Variants in SEPTIN3 observed in about 807,000 individuals in gnomAD.
SEPTIN3 encodes the protein septin 3.
In SEPTIN3, 15 loss-of-function variants were observed where a neutral mutation model predicts 45.1. That is an observed-to-expected ratio of 0.33 (90% CI 0.22 to 0.51). The LOEUF (loss-of-function observed/expected upper bound fraction) is 0.51, where lower values mean the gene tolerates loss of function less well. Among genes scored for constraint, SEPTIN3 ranks in the 20% least tolerant of loss-of-function variants. SEPTIN3 has a pLI of 0.97. For missense variants in SEPTIN3, 289 were observed against 457.2 expected, an observed-to-expected ratio of 0.63 and a Z score of 3.35; for synonymous variants, 148 against 164.8, an observed-to-expected ratio of 0.90 and a Z score of 0.78.
intron 2 of SEPTIN3, 95 bp downstream of exon 2, chr22:41,973,091 C>A (rs5758525): frequency 2.5e-6 from 1 of 397,546 alleles, no homozygotes; most frequent in Non-Finnish European, 4.4e-6. Context: ...GGTTGAGAAA[C>A]GGAGGAAGGA....
chr22:41,979,566 G>T (rs1443238067), intron 2 of SEPTIN3, among the ~76,000 whole-genome samples: 1 of 152,222 alleles, frequency 6.6e-6, no homozygotes, highest in Non-Finnish European at 1.5e-5. Context: ...TGCAAGAGTG[G>T]AGGAGCAGGG....
chr22:41,969,908 G>A (rs2077941322), intron 1 of SEPTIN3, among the ~76,000 whole-genome samples: 1 of 152,146 alleles, frequency 6.6e-6, no homozygotes, highest in Admixed American at 6.5e-5. Context: ...TGCCCAAGTG[G>A]ATGTGGCTGT....
At position 41,997,283 on chromosome 22, in the gene SEPTIN3, T is replaced by C; in HGVS notation, c.*316T>C. On this transcript the variant is annotated 3_prime_UTR_variant, in exon 12 of 12. Transcript: ENST00000644076. Reference sequence around the variant, plus strand: ...CCCTTGTAAGCCCATCCCAGCTACTTGTAACCATCTCTAAGGGCAATGGCA... The same window carrying C: ...CCCTTGTAAGCCCATCCCAGCTACTCGTAACCATCTCTAAGGGCAATGGCA... 1 of 363,454 alleles carries C rather than the reference T, an allele frequency of 2.8e-6. No homozygotes were observed. Among genetic ancestry groups the C allele is most frequent in the Non-Finnish European group, 5.0e-6 (1 of 198,588 alleles). The allele number at this position is 363,454 out of a possible 1,614,324, so 22.5% of individuals were successfully genotyped here. A position where few individuals can be genotyped will look rare whatever the true frequency, so the allele number is the denominator to read the frequency against.
Position 41,991,588 on chromosome 22 carries a change from G to A in SEPTIN3, c.2179G>A (p.Glu727Lys). The A allele has an allele frequency of 1.2e-6, 2 of 1,613,636 alleles. No homozygotes were observed. ...EFKQRVRKEL[E>K]VNGIEFYPQK... ...TCGCCTCTAGGTTCGCAAGGAGCTTGAAGTAAATGGCATTGAATTCTACCC... is the reference window on the plus strand; with the variant it reads ...TCGCCTCTAGGTTCGCAAGGAGCTTAAAGTAAATGGCATTGAATTCTACCC... The change falls in exon 8 of 12, where the codon GAA becomes AAA. Residue 727 changes from glutamate (E) to lysine (K), a missense_variant. Transcript: ENST00000644076.
intron 9 of SEPTIN3, among the ~76,000 whole-genome samples, chr22:41,993,015 G>A (rs2078344514): frequency 1.3e-5 from 2 of 152,192 alleles, no homozygotes; most frequent in South Asian, 4.1e-4. Context: ...GGAGAGATTA[G>A]TAAGGCCTGG....
chr22:41,989,126 CAAAAAA>C (rs71184854), intron 6 of SEPTIN3, among the ~76,000 whole-genome samples: 1 of 88,594 alleles, frequency 1.1e-5, no homozygotes, highest in East Asian at 3.7e-4. Flanking sequence ...GACCCTGTCT[CAAAAAA>C]AAAAAAAAAA....
At chr22:41,993,479 G>A (rs538456355) in intron 9 of SEPTIN3, among the ~76,000 whole-genome samples, 1 of 151,964 alleles carries the variant, frequency 6.6e-6, no homozygotes, top group African/African-American at 2.4e-5. Context: ...TGCGGACCCC[G>A]ATTTTTGTAT....
At chr22:41,993,352 T>G in intron 9 of SEPTIN3, among the ~76,000 whole-genome samples, 1 of 148,576 alleles carries the variant, frequency 6.7e-6, no homozygotes, top group African/African-American at 2.5e-5. Flanking sequence ...TGAGACGGAG[T>G]CTCACTCTGT....
chr22:41,991,459 A>G (rs528696215), intron 7 of SEPTIN3, 114 bp from the exon 8 acceptor site: 1 of 756,464 alleles, frequency 1.3e-6, no homozygotes, highest in African/African-American at 1.7e-5. Context: ...ATGACTGTGG[A>G]TTATCCAAGG....
chr22:41,978,993 C>G (rs2078078209), intron 2 of SEPTIN3, among the ~76,000 whole-genome samples: 1 of 151,966 alleles, frequency 6.6e-6, no homozygotes, highest in Non-Finnish European at 1.5e-5. Context: ...GTGACCTGCA[C>G]ACATTTACTG....
intron 7 of SEPTIN3, among the ~76,000 whole-genome samples, chr22:41,990,458 C>T (rs902239479): frequency 1.1e-4 from 16 of 151,674 alleles, no homozygotes; most frequent in African/African-American, 3.6e-4. Context: ...AAGAAATTTA[C>T]AATCCAGTTG....
At chr22:41,974,677 A>AG (rs2077997477) in intron 2 of SEPTIN3, among the ~76,000 whole-genome samples, 1 of 149,132 alleles carries the variant, frequency 6.7e-6, no homozygotes, top group Admixed American at 6.7e-5. Context: ...AAAAAAAAAA[A>AG]GAAAAAAAAC....
intron 2 of SEPTIN3, among the ~76,000 whole-genome samples, chr22:41,977,252 A>T (rs559295689): frequency 1.3e-5 from 2 of 152,056 alleles, no homozygotes; most frequent in South Asian, 4.2e-4. Flanking sequence ...TCTTGGAGAG[A>T]GGCAGACATA....
intron 1 of SEPTIN3, among the ~76,000 whole-genome samples, chr22:41,970,081 G>A (rs1006752604): frequency 2.6e-5 from 4 of 152,034 alleles, no homozygotes; most frequent in East Asian, 1.9e-4. Context: ...TGCCTTCCCC[G>A]TCCCTGCTGC....
Position 41,971,728 on chromosome 22 carries a change from G to T in SEPTIN3, c.236G>T (p.Ser79Ile). 2.5e-6 allele frequency: 1 copy of T among 399,276 alleles called. No individual in the cohort carries two copies. The highest frequency in any genetic ancestry group is 4.4e-6 in the Non-Finnish European group (1 of 226,266). 24.7% of individuals were successfully genotyped at this position (399,276 alleles called of 1,614,324 possible). A position where few individuals can be genotyped will look rare whatever the true frequency, so the allele number is the denominator to read the frequency against. The change falls in exon 2 of 12, where the codon AGT becomes ATT. Residue 79 changes from serine to isoleucine, a missense_variant. By Grantham distance (142) the Ser-to-Ile change is moderately radical. This residue lies in a region of SEPTIN3 where 200 missense variants were observed against 315.1 expected (regional missense o/e 0.63). Coordinates refer to ENST00000644076, the MANE Select transcript of SEPTIN3 (RefSeq NM_001363845.2). ...CTGGGCCTTGGAGCCAGGACCCGGA[G>T]TGTGCCCCCACAGGAGACGGGCATC... ...SRLGLGARTRSVPPQETGIAL... is the reference protein window; with the variant it reads ...SRLGLGARTRIVPPQETGIAL...
chr22:41,982,463 A>G (rs113424985), intron 3 of SEPTIN3, among the ~76,000 whole-genome samples: 6,198 of 151,520 alleles, frequency 0.041, 384 homozygotes, highest in African/African-American at 0.14. Flanking sequence ...AGCTGAGATC[A>G]CGCCATTGCA....
Position 41,998,066 on chromosome 22 carries a change from C to T in SEPTIN3, c.*1099C>T, listed in dbSNP as rs1921079236. 1 of 152,652 alleles carries T rather than the reference C, an allele frequency of 6.6e-6. No homozygotes were observed. Among genetic ancestry groups the T allele is most frequent in the Non-Finnish European group, 1.5e-5 (1 of 68,044 alleles). 9.5% of individuals were successfully genotyped at this position (152,652 alleles called of 1,614,324 possible). A position where few individuals can be genotyped will look rare whatever the true frequency, so the allele number is the denominator to read the frequency against. ...CCACGCCTAGGGGATGCAAGAACAA[C>T]CCGTTTCTTAAATGTTACCAGTCCC... On this transcript the variant is annotated 3_prime_UTR_variant, in exon 12 of 12. Transcript: ENST00000644076.
rs1602424404 is a variant in SEPTIN3, at chr22:41,994,515, G to A, written c.2412-106G>A. ...CTGTAGAAGAATCCTTAGCTCCTGG[G>A]AGTGGTTCCCATTCACTGGGTCCAG... On this transcript the variant is annotated intron_variant, in intron 10 of 11. Transcript: ENST00000644076. The surrounding 1 kb of genome is among the most constrained non-coding windows in gnomAD (Gnocchi z 4.2). 6.4e-7 allele frequency: 1 copy of A among 1,567,602 alleles called. No individual in the cohort carries two copies. The highest frequency in any genetic ancestry group is 2.2e-5 in the East Asian group (1 of 44,514).
rs1308208689 is a variant in SEPTIN3 at position 41,997,083 on chromosome 22, CAGT to C, written c.*119_*121del. 1.9e-6 allele frequency: 3 copies of C among 1,560,760 alleles called. No individual in the cohort carries two copies. The highest frequency in any genetic ancestry group is 2.6e-6 in the Non-Finnish European group (3 of 1,154,708). On this transcript the variant is annotated 3_prime_UTR_variant, in exon 12 of 12. Coordinates refer to ENST00000644076, the MANE Select transcript of SEPTIN3 (RefSeq NM_001363845.2). ...CACCACCACAGCCCCTCTCAGCCCTCAGTAGGTGGGAGGGGCCAGCTGCCTCTT... is the reference window on the plus strand; with the variant it reads ...CACCACCACAGCCCCTCTCAGCCCTCAGGTGGGAGGGGCCAGCTGCCTCTT...
Sources: allele counts gnomAD v4.1 joint callset (sites outside exome capture counted in the v4.1 genomes callset), GRCh38; gene constraint gnomAD v4.1.1; regional missense constraint gnomAD v4.1.1; non-coding constraint Gnocchi (gnomAD v3.1); transcripts MANE v1.5; gene names NCBI Gene and HGNC (gene_info 2026-07-23, HGNC 2026-07-21).